KCNT1: variants seen among roughly 807,000 people sequenced by gnomAD.
KCNT1 encodes the protein potassium channel subfamily T member 1.
In KCNT1, 78 loss-of-function variants were observed where a neutral mutation model predicts 147.8. The ratio of observed to expected loss-of-function variants is 0.53; its 90% confidence interval spans 0.44 to 0.64. The LOEUF (loss-of-function observed/expected upper bound fraction) is 0.64, where lower values mean the gene tolerates loss of function less well. Ranked by LOEUF, KCNT1 falls within the 30% of genes least tolerant of loss-of-function variation. KCNT1 has a pLI of 0.00. For synonymous variants in KCNT1, 867 were observed against 748.8 expected (o/e 1.16, Z -2.58); for missense variants, 1,419 against 1,750.3 (o/e 0.81, Z 3.38).
At position 135,751,189 on chromosome 9, in the gene KCNT1, G is replaced by A. The variant is rs565742883; in HGVS notation, c.434+148G>A. 19 of 739,090 alleles carry A rather than the reference G, an allele frequency of 2.6e-5. No individual in the cohort carries two copies. The East Asian group carries it at 4.8e-4, about 19-fold the overall frequency. The allele number at this position is 739,090 out of a possible 1,614,324, so 45.8% of individuals were successfully genotyped here. On this transcript the variant is annotated intron_variant, in intron 4 of 30. Coordinates refer to ENST00000371757, the MANE Select transcript of KCNT1 (RefSeq NM_020822.3). ...CTTCCTTCCCCAGTGCCTGTCCCAG[G>A]ATGGAAAAAGCCAAGGACTCAGTGC...
At chr9:135,707,187 G>A (rs945497479) in intron 1 of KCNT1, among the ~76,000 whole-genome samples, 1 of 152,046 alleles carries the variant, frequency 6.6e-6, no homozygotes, top group African/African-American at 2.4e-5. Context: ...GGCCATGCCA[G>A]CCCTCAGGTG....
intron 2 of KCNT1, among the ~76,000 whole-genome samples, chr9:135,724,318 G>A (rs564826589): frequency 1.5e-3 from 234 of 152,336 alleles, no homozygotes; most frequent in Non-Finnish European, 2.4e-3. Flanking sequence ...TAGAGACAGC[G>A]GGCCCCGCGT....
In KCNT1 at chr9:135,786,362, A is replaced by G; in HGVS notation, c.3343A>G (p.Arg1115Gly). The G allele has an allele frequency of 6.3e-7, 1 of 1,581,366 alleles. No homozygotes were observed. The highest frequency in any genetic ancestry group is 8.6e-7 in the Non-Finnish European group (1 of 1,165,072). The change falls in exon 29 of 31, where the codon AGG (arginine) becomes GGG (glycine). Residue 1115 changes from arginine (R) to glycine (G), a missense_variant. Coordinates refer to ENST00000371757, the MANE Select transcript of KCNT1 (RefSeq NM_020822.3). ...LRRKSLQWARRLSRKAPKQAG... is the reference protein window; with the variant it reads ...LRRKSLQWARGLSRKAPKQAG... ...GCGCAAGAGCCTGCAGTGGGCCCGG[A>G]GGCTGAGCCGCAAGGCGCCCAAGCA...
chr9:135,729,423 G>A (rs1360433142), intron 2 of KCNT1, among the ~76,000 whole-genome samples: 1 of 152,278 alleles, frequency 6.6e-6, no homozygotes, highest in African/African-American at 2.4e-5. Flanking sequence ...GCGGGAATGA[G>A]CCTGGGAGCA....
In KCNT1 at chr9:135,765,148, C is replaced by T. The variant is rs751365926; in HGVS notation, c.1153C>T (p.Leu385Phe). The stretch of plus-strand genomic sequence containing the variant: ...GTGTGTCAGCTCCCTCAAGATCGAC[C>T]TTCTCATGGACTTCCTGAACGAGTT... ...VLCVSSLKID[L>F]LMDFLNEFYA... The change falls in exon 12 of 31, where the codon CTT becomes TTT. Residue 385 changes from leucine (L) to phenylalanine (F), a missense_variant. Leu to Phe is a conservative substitution (Grantham distance 22, BLOSUM62 0). Around this residue, in one of 5 missense-constraint regions of KCNT1, gnomAD observed 401 missense variants for 610.6 expected, o/e 0.66. Transcript: ENST00000371757. 1.9e-6 allele frequency: 3 copies of T among 1,613,534 alleles called. No homozygotes were observed. Among genetic ancestry groups the T allele is most frequent in the Non-Finnish European group, 2.5e-6 (3 of 1,179,924 alleles).
intron 11 of KCNT1, among the ~76,000 whole-genome samples, chr9:135,761,690 C>T (rs1255944535): frequency 6.6e-6 from 1 of 152,238 alleles, no homozygotes; most frequent in Non-Finnish European, 1.5e-5. Flanking sequence ...GCTGAGGCCG[C>T]TGCACCCAGA....
At chr9:135,735,875 C>T (rs887031821) in intron 2 of KCNT1, among the ~76,000 whole-genome samples, 1 of 152,224 alleles carries the variant, frequency 6.6e-6, no homozygotes, top group African/African-American at 2.4e-5. Context: ...GCCAATACCC[C>T]CCGGCTGTTA....
Position 135,719,423 on chromosome 9 carries a change from G to A in KCNT1, c.254+4703G>A, listed in dbSNP as rs146214140. Among the ~76,000 whole-genome samples the A allele has an allele frequency of 3.8e-3, 580 of 152,294 alleles. 2 individuals carry two copies. The highest frequency in any genetic ancestry group is 0.012 in the African/African-American group (510 of 41,562). On this transcript the variant is annotated intron_variant, in intron 2 of 30. Transcript: ENST00000371757. ...CCTGCCCTGCACTGAGGCTCAGGAAGATGCTGTGTATGTCGGGGGATGCAT... is the reference window on the plus strand; with the variant it reads ...CCTGCCCTGCACTGAGGCTCAGGAAAATGCTGTGTATGTCGGGGGATGCAT...
intron 11 of KCNT1, among the ~76,000 whole-genome samples, chr9:135,761,083 G>A (rs1457550185): frequency 6.6e-6 from 1 of 151,844 alleles, no homozygotes; most frequent in Non-Finnish European, 1.5e-5. Flanking sequence ...GCCCAGGCTG[G>A]CCTCGAACTC....
At chr9:135,776,953 A>T (rs1833213315) in intron 20 of KCNT1, among the ~76,000 whole-genome samples, 1 of 152,236 alleles carries the variant, frequency 6.6e-6, no homozygotes, top group Admixed American at 6.5e-5. Flanking sequence ...TTAGTGGAAA[A>T]TGATGATTGG....
rs563640333 is a variant in KCNT1 at position 135,778,556 on chromosome 9, A to C, written c.2594+61A>C. 5.0e-6 allele frequency: 8 copies of C among 1,605,212 alleles called. No homozygotes were observed. The Admixed American group carries it at 8.4e-5, about 17-fold the overall frequency. ...ACACCCACCCCTCCCCTCCTCTTCC[A>C]AAGTCTGGGGTGACCCCGACCGCAG... is the stretch of plus-strand genomic sequence containing the variant. On this transcript the variant is annotated intron_variant, in intron 22 of 30. Transcript: ENST00000371757.
chr9:135,770,915 C>T lies in KCNT1; in HGVS notation c.1828C>T (p.Pro610Ser). The change falls in exon 18 of 31, where the codon CCG becomes TCG. Residue 610 changes from proline to serine, a missense_variant. Transcript: ENST00000371757. ...GGACAACAAGAGCATCCTGCTGAAC[C>T]CGGGGCCCCGGCACATCCTGGCCGC... ...REDNKSILLN[P>S]GPRHILAASD... The T allele has an allele frequency of 1.9e-6, 3 of 1,609,990 alleles. No homozygotes were observed. The highest frequency in any genetic ancestry group is 1.7e-6 in the Non-Finnish European group (2 of 1,178,194).
At chr9:135,758,980 C>A (rs947258406) in intron 10 of KCNT1, among the ~76,000 whole-genome samples, 11 of 152,216 alleles carry the variant, frequency 7.2e-5, no homozygotes, top group Non-Finnish European at 1.3e-4. Flanking sequence ...TGGGTCCCAG[C>A]GAGGCCTGGT....
chr9:135,712,017 C>T (rs1835516666), intron 1 of KCNT1, among the ~76,000 whole-genome samples: 1 of 152,234 alleles, frequency 6.6e-6, no homozygotes, highest in Non-Finnish European at 1.5e-5. Context: ...CCGGGGGCCG[C>T]CCAGCAGGAC....
At chr9:135,725,813 G>T (rs895670137) in intron 2 of KCNT1, among the ~76,000 whole-genome samples, 1 of 152,242 alleles carries the variant, frequency 6.6e-6, no homozygotes, top group Non-Finnish European at 1.5e-5. Context: ...TTTGCTGGGC[G>T]GTTTGCCTGG....
At chr9:135,746,428 CT>C (rs1346376300) in intron 2 of KCNT1, among the ~76,000 whole-genome samples, 1 of 152,220 alleles carries the variant, frequency 6.6e-6, no homozygotes, top group Non-Finnish European at 1.5e-5. Context: ...AGAGAAGCTG[CT>C]GGGGGCGCGA....
chr9:135,736,836 C>A, intron 2 of KCNT1: 1 of 340,226 alleles, frequency 2.9e-6, no homozygotes, highest in Non-Finnish European at 5.3e-6. Flanking sequence ...GCGCTTGCAT[C>A]CTGCTCGGGC....
chr9:135,775,265 C>A, intron 19 of KCNT1, 45 bp from the exon 20 acceptor site: 1 of 1,473,728 alleles, frequency 6.8e-7, no homozygotes, highest in South Asian at 1.2e-5. Context: ...GCAGACCCAG[C>A]CACCTCTGTG....
Position 135,777,612 on chromosome 9 carries a change from C to T in KCNT1, c.2522+102C>T, listed in dbSNP as rs1012871305. 138 of 1,129,790 alleles carry T rather than the reference C, an allele frequency of 1.2e-4. 2 individuals carry two copies. Among genetic ancestry groups the T allele is most frequent in the African/African-American group, 2.8e-4 (18 of 64,310 alleles). 70.0% of individuals were successfully genotyped at this position (1,129,790 alleles called of 1,614,324 possible). Reference sequence around the variant, plus strand: ...CCACCCTTCGCCTTTGCAGAGGGCACGGGAACATGGGGCCTCTGGCCTGGT... The same window carrying T: ...CCACCCTTCGCCTTTGCAGAGGGCATGGGAACATGGGGCCTCTGGCCTGGT... On this transcript the variant is annotated intron_variant, in intron 21 of 30. Coordinates refer to ENST00000371757, the MANE Select transcript of KCNT1 (RefSeq NM_020822.3).
Sources: gnomAD v4.1 joint callset for allele counts (sites outside exome capture counted in the v4.1 genomes callset) on GRCh38, gnomAD v4.1.1 for gene constraint, gnomAD v4.1.1 regional missense constraint, MANE v1.5 for transcripts, NCBI Gene and HGNC (gene_info 2026-07-23, HGNC 2026-07-21) for gene names.